Variants in KCNAB1 observed in about 807,000 individuals in gnomAD.
KCNAB1 encodes the protein voltage-gated potassium channel subunit beta-1.
KCNAB1 carries 35 observed loss-of-function variants against 64.6 expected under a neutral mutation model. The observed-to-expected ratio is 0.54, with a 90% CI of 0.41 to 0.72. KCNAB1 has a LOEUF of 0.72. Among genes scored for constraint, KCNAB1 ranks in the 30% least tolerant of loss-of-function variants. The probability of loss-of-function intolerance (pLI) is 0.00; values close to 1 mark genes in which losing one functional copy is unlikely to be tolerated. For missense variants in KCNAB1, 401 were observed against 512.9 expected, an observed-to-expected ratio of 0.78 and a Z score of 2.11; for synonymous variants, 177 against 183.8, an observed-to-expected ratio of 0.96 and a Z score of 0.30.
intron 9 of KCNAB1, 128 bp downstream of exon 9, chr3:156,514,577 A>G: frequency 1.5e-6 from 1 of 670,286 alleles, no homozygotes; most frequent in Non-Finnish European, 2.7e-6. Flanking sequence ...TTCTAGAATC[A>G]ATTCCATCAT....
At chr3:156,129,562 G>A (rs1196243296) in intron 1 of KCNAB1, among the ~76,000 whole-genome samples, 1 of 152,132 alleles carries the variant, frequency 6.6e-6, no homozygotes, top group African/African-American at 2.4e-5. Context: ...CTTACAATCT[G>A]TGTGACCTGG....
chr3:156,434,033 C>T (rs562828549), intron 2 of KCNAB1, among the ~76,000 whole-genome samples: 2 of 152,270 alleles, frequency 1.3e-5, no homozygotes, highest in South Asian at 2.1e-4. Flanking sequence ...TTAATACATA[C>T]ATTTCAGGAA....
intron 1 of KCNAB1, among the ~76,000 whole-genome samples, chr3:156,158,445 C>T (rs971082503): frequency 6.6e-6 from 1 of 152,100 alleles, no homozygotes; most frequent in Admixed American, 6.5e-5. Flanking sequence ...CTCATGTAAA[C>T]AAGACACTGA....
intron 1 of KCNAB1, among the ~76,000 whole-genome samples, chr3:156,294,707 C>A (rs531619393): frequency 6.6e-6 from 1 of 152,052 alleles, no homozygotes; most frequent in Non-Finnish European, 1.5e-5. Context: ...TAACTAAAAT[C>A]GAAAGTTAGT....
intron 1 of KCNAB1, among the ~76,000 whole-genome samples, chr3:156,314,748 C>T (rs183106492): frequency 1.3e-5 from 2 of 152,360 alleles, no homozygotes; most frequent in East Asian, 1.9e-4. Context: ...TGCAGTGGCT[C>T]ATGCCTGTAA....
chr3:156,317,324 T>C (rs976855471), intron 1 of KCNAB1, among the ~76,000 whole-genome samples: 7 of 152,180 alleles, frequency 4.6e-5, no homozygotes, highest in Admixed American at 4.6e-4. Context: ...GTTTCCATTG[T>C]GTCTTGCTAT....
At chr3:156,399,280 G>T (rs1401015333) in intron 1 of KCNAB1, among the ~76,000 whole-genome samples, 1 of 152,132 alleles carries the variant, frequency 6.6e-6, no homozygotes, top group Admixed American at 6.6e-5. Context: ...CAAAAATTGT[G>T]GAAAACGTTC....
At chr3:156,207,939 A>C (rs958074470) in intron 1 of KCNAB1, among the ~76,000 whole-genome samples, 2 of 152,246 alleles carry the variant, frequency 1.3e-5, no homozygotes, top group African/African-American at 4.8e-5. Flanking sequence ...AGAAATCTCC[A>C]AACAACTCAG....
At chr3:156,285,850 C>T (rs2108510696) in intron 1 of KCNAB1, among the ~76,000 whole-genome samples, 1 of 152,336 alleles carries the variant, frequency 6.6e-6, no homozygotes, top group Middle Eastern at 3.4e-3. Context: ...ACTATGGCAC[C>T]TTGCCTTGAG....
chr3:156,334,849 A>C (rs1723580309), intron 1 of KCNAB1, among the ~76,000 whole-genome samples: 1 of 152,082 alleles, frequency 6.6e-6, no homozygotes, highest in Non-Finnish European at 1.5e-5. Flanking sequence ...AATCATGTGG[A>C]CTTTAATGTG....
chr3:156,426,220 C>T (rs1715806002), intron 2 of KCNAB1, among the ~76,000 whole-genome samples: 1 of 152,146 alleles, frequency 6.6e-6, no homozygotes, highest in South Asian at 2.1e-4. Flanking sequence ...GGAGCAAAGG[C>T]TCCATCTCTC....
At chr3:156,293,734 T>C (rs1720603890) in intron 1 of KCNAB1, among the ~76,000 whole-genome samples, 1 of 152,082 alleles carries the variant, frequency 6.6e-6, no homozygotes, top group Non-Finnish European at 1.5e-5. Context: ...ATGGAGAGAG[T>C]GGGGCACCAC....
At chr3:156,165,835 T>C (rs1409878983) in intron 1 of KCNAB1, among the ~76,000 whole-genome samples, 1 of 152,250 alleles carries the variant, frequency 6.6e-6, no homozygotes, top group Non-Finnish European at 1.5e-5. Context: ...TGTAAATTAT[T>C]AATTCTCACC....
chr3:156,223,694 G>A (rs1299748497), intron 1 of KCNAB1, among the ~76,000 whole-genome samples: 1 of 151,994 alleles, frequency 6.6e-6, no homozygotes, highest in Non-Finnish European at 1.5e-5. Context: ...GCTGATTGGT[G>A]CATCCACAGA....
chr3:156,316,137 T>A (rs920990086), intron 1 of KCNAB1, among the ~76,000 whole-genome samples: 3 of 152,254 alleles, frequency 2.0e-5, no homozygotes, highest in Admixed American at 2.0e-4. Flanking sequence ...CTCATTTTTA[T>A]TCTTACAAGA....
chr3:156,166,090 A>G (rs988325396), intron 1 of KCNAB1, among the ~76,000 whole-genome samples: 21 of 152,312 alleles, frequency 1.4e-4, no homozygotes, highest in African/African-American at 5.1e-4. Context: ...TGTATATTAC[A>G]AGAGAAAGAG....
chr3:156,170,221 G>GC (rs1446294364), intron 1 of KCNAB1, among the ~76,000 whole-genome samples: 2 of 130,628 alleles, frequency 1.5e-5, no homozygotes, highest in African/African-American at 5.6e-5. Context: ...CCAAGGAATC[G>GC]TTTTTTTTTT....
At chr3:156,524,855 C>T (rs373402993) in intron 12 of KCNAB1, among the ~76,000 whole-genome samples, 67 of 150,540 alleles carry the variant, frequency 4.5e-4, no homozygotes, top group African/African-American at 1.6e-3. Flanking sequence ...CAGTCAACGA[C>T]GGACAACATA....
At chr3:156,521,392 C>T (rs1447932971) in intron 11 of KCNAB1, among the ~76,000 whole-genome samples, 1 of 152,182 alleles carries the variant, frequency 6.6e-6, no homozygotes. Context: ...TTTATTTTGA[C>T]TCCACGGAAC....
Sources: allele counts gnomAD v4.1 joint callset (sites outside exome capture counted in the v4.1 genomes callset), GRCh38; gene constraint gnomAD v4.1.1; transcripts MANE v1.5; gene names NCBI Gene and HGNC (gene_info 2026-07-23, HGNC 2026-07-21).